MROH2A: variants seen among roughly 807,000 people sequenced by gnomAD.
MROH2A encodes maestro heat like repeat family member 2A, also known as maestro heat-like repeat-containing protein family member 2A.
MROH2A carries 174 observed loss-of-function variants against 200.4 expected under a neutral mutation model. The observed-to-expected ratio is 0.87, with a 90% confidence interval of 0.77 to 0.98. The LOEUF (loss-of-function observed/expected upper bound fraction) is 0.98, where lower values mean the gene tolerates loss of function less well. MROH2A is among the 50% of genes least tolerant of loss of function. MROH2A has a pLI of 0.00. For missense variants in MROH2A, 2,045 were observed against 2,139.6 expected (o/e 0.96, Z 0.87); for synonymous variants, 829 against 840.4 (o/e 0.99, Z 0.23).
At chr2:233,810,195 G>A (rs143060071) in intron 22 of MROH2A, among the ~76,000 whole-genome samples, 175 of 152,278 alleles carry the variant, frequency 1.1e-3, no homozygotes, top group African/African-American at 4.0e-3. Context: ...GGCATCTTCC[G>A]TGGTGTATTA....
At chr2:233,821,886 G>A (rs527878016) in intron 31 of MROH2A, among the ~76,000 whole-genome samples, 1 of 152,222 alleles carries the variant, frequency 6.6e-6, no homozygotes, top group Non-Finnish European at 1.5e-5. Context: ...TGGGGCTTCC[G>A]TGGGGGCCAT....
chr2:233,804,904 G>T, intron 18 of MROH2A, 100 bp from the exon 19 acceptor site: 1 of 647,686 alleles, frequency 1.5e-6, no homozygotes, highest in Non-Finnish European at 2.7e-6. Context: ...AGCGAGAGAG[G>T]GCAAGTCAGT....
chr2:233,820,091 G>C lies in MROH2A; in HGVS notation c.3512+35G>C. The C allele has an allele frequency of 6.8e-7, 1 of 1,479,840 alleles. No individual in the cohort carries two copies. The highest frequency in any genetic ancestry group is 9.0e-7 in the Non-Finnish European group (1 of 1,106,590). 91.7% of individuals were successfully genotyped at this position (1,479,840 alleles called of 1,614,324 possible). ...CTGGAGGAGGTGGCCCCGGCCTCCT[G>C]TGCCATTTGACCATGCCCAACTCAC... On this transcript the variant is annotated intron_variant, in intron 31 of 41. Coordinates refer to ENST00000389758, the MANE Select transcript of MROH2A (RefSeq NM_001394639.1). This position sits in a 1 kb window ranked among gnomAD's most constrained non-coding sequence, Gnocchi z 4.1.
chr2:233,802,028 C>A, intron 14 of MROH2A, 140 bp from the exon 15 acceptor site: 1 of 937,110 alleles, frequency 1.1e-6, no homozygotes, highest in East Asian at 2.7e-5. Flanking sequence ...GCGGTGGAGC[C>A]AGTTCAGGGC....
At position 233,828,955 on chromosome 2, in the gene MROH2A, C is replaced by T; in HGVS notation, c.4329C>T (p.Asn1443=). The part of the protein sequence containing the change: ...CLGPLREPVS[N]SVTAEGMEAL... ...GCCCCCTGAGGGAGCCCGTGAGCAA[C>T]AGCGTGACTGCCGAGGGCATGGAGG... The change falls in exon 37 of 42, where the codon AAC becomes AAT. Residue 1443 remains asparagine (N), a synonymous_variant. Coordinates refer to ENST00000389758, the MANE Select transcript of MROH2A (RefSeq NM_001394639.1). This position sits in a 1 kb window ranked among gnomAD's most constrained non-coding sequence, Gnocchi z 4.6. 6.4e-7 allele frequency: 1 copy of T among 1,550,548 alleles called. No individual in the cohort carries two copies.
At chr2:233,793,410 G>T (rs1701905533) in intron 6 of MROH2A, among the ~76,000 whole-genome samples, 1 of 152,190 alleles carries the variant, frequency 6.6e-6, no homozygotes, top group African/African-American at 2.4e-5. Flanking sequence ...CAGGATGTGG[G>T]CAGGGTCATA....
rs971852582 is a variant in MROH2A at position 233,823,539 on chromosome 2, C to T, written c.4005-17C>T. The T allele has an allele frequency of 9.0e-6, 14 of 1,547,836 alleles. No homozygotes were observed. The highest frequency in any genetic ancestry group is 1.2e-5 in the Non-Finnish European group (14 of 1,145,658). On this transcript the variant is annotated splice_polypyrimidine_tract_variant and intron_variant, in intron 34 of 41. Transcript: ENST00000389758. ...GTGGGGCCGCCTCCACGACCTGGCA[C>T]TGTCTCTCCTCTGCAGGCTGTGCAT...
At chr2:233,790,104 C>T (rs1328317524) in intron 5 of MROH2A, 90 bp downstream of exon 5, 7 of 1,199,952 alleles carry the variant, frequency 5.8e-6, no homozygotes, top group Non-Finnish European at 7.9e-6. Context: ...ATGTTCACCT[C>T]TTCCTCTTAC....
chr2:233,786,645 G>C (rs1277524267), intron 3 of MROH2A, among the ~76,000 whole-genome samples: 1 of 152,178 alleles, frequency 6.6e-6, no homozygotes, highest in Non-Finnish European at 1.5e-5. Context: ...ACTATCTCTA[G>C]GAACTGGCTA....
Position 233,807,994 on chromosome 2 carries a change from T to A in MROH2A, c.2295+139T>A. ...CCTGTCATCAAAATGGCTGAGACATTGTCTTACTCTGAGACCTCCTGGACA... is the reference window on the plus strand; with the variant it reads ...CCTGTCATCAAAATGGCTGAGACATAGTCTTACTCTGAGACCTCCTGGACA... On this transcript the variant is annotated intron_variant, in intron 21 of 41. Transcript: ENST00000389758. This position sits in a 1 kb window ranked among gnomAD's most constrained non-coding sequence, Gnocchi z 4.3. The A allele has an allele frequency of 8.8e-7, 1 of 1,134,894 alleles. No individual in the cohort carries two copies. Among genetic ancestry groups the A allele is most frequent in the Non-Finnish European group, 1.3e-6 (1 of 798,258 alleles). 70.3% of individuals were successfully genotyped at this position (1,134,894 alleles called of 1,614,324 possible).
chr2:233,800,339 C>A, intron 14 of MROH2A, 24 bp downstream of exon 14: 1 of 1,387,864 alleles, frequency 7.2e-7, no homozygotes, highest in Non-Finnish European at 9.9e-7. Flanking sequence ...GCCCCACCCG[C>A]ACAGTGGGTC....
At chr2:233,804,270 A>G in intron 17 of MROH2A, 78 bp downstream of exon 17, 2 of 1,520,278 alleles carry the variant, frequency 1.3e-6, no homozygotes. Context: ...CATGACTTGA[A>G]TAACGAGAGC....
chr2:233,795,497 G>A, intron 8 of MROH2A, 156 bp from the exon 9 acceptor site: 1 of 1,177,828 alleles, frequency 8.5e-7, no homozygotes, highest in Non-Finnish European at 1.2e-6. Flanking sequence ...CTTGGATTCA[G>A]CAGGACTGGG....
chr2:233,799,965 G>A (rs1390607277), intron 13 of MROH2A, 66 bp downstream of exon 13: 9 of 1,541,288 alleles, frequency 5.8e-6, no homozygotes, highest in Non-Finnish European at 7.9e-6. Flanking sequence ...CAGTGCTGAG[G>A]GGAGAATGCC....
At chr2:233,789,054 C>A (rs1291736247) in intron 3 of MROH2A, among the ~76,000 whole-genome samples, 1 of 151,132 alleles carries the variant, frequency 6.6e-6, no homozygotes, top group Non-Finnish European at 1.5e-5. Flanking sequence ...TCTGCCCAAT[C>A]CCATCCTAAA....
intron 29 of MROH2A, among the ~76,000 whole-genome samples, chr2:233,818,978 G>A (rs1703744759): frequency 6.6e-6 from 1 of 152,246 alleles, no homozygotes; most frequent in Admixed American, 6.5e-5. Flanking sequence ...CGCAGTAGGT[G>A]CTTAATCTGC....
upstream of MROH2A, among the ~76,000 whole-genome samples, chr2:233,776,648 T>C (rs1189904955): frequency 1.3e-5 from 2 of 152,308 alleles, no homozygotes; most frequent in African/African-American, 2.4e-5. Flanking sequence ...CCTCTGTAGA[T>C]AACATGCTCA....
chr2:233,790,067 C>T, intron 5 of MROH2A, 53 bp downstream of exon 5: 1 of 1,450,008 alleles, frequency 6.9e-7, no homozygotes, highest in Non-Finnish European at 9.2e-7. Context: ...TGGTCTCTGC[C>T]TCTCTCTGCC....
chr2:233,776,760 T>C (rs1700718437), upstream of MROH2A, among the ~76,000 whole-genome samples: 1 of 152,168 alleles, frequency 6.6e-6, no homozygotes, highest in African/African-American at 2.4e-5. Context: ...CTTCACAATG[T>C]GACTTTGCAA....
Sources: gnomAD v4.1 joint callset for allele counts (sites outside exome capture counted in the v4.1 genomes callset) on GRCh38, gnomAD v4.1.1 for gene constraint, Gnocchi (gnomAD v3.1) non-coding constraint, MANE v1.5 for transcripts, NCBI Gene and HGNC (gene_info 2026-07-23, HGNC 2026-07-21) for gene names.